Variants in AHI1 observed in about 807,000 individuals in gnomAD.
AHI1 encodes the protein jouberin.
A neutral mutation model predicts 149.3 loss-of-function variants in AHI1; 123 were observed. The observed-to-expected ratio is 0.82, with a 90% CI of 0.71 to 0.96. The LOEUF is 0.96. AHI1 is among the 40% of genes least tolerant of loss of function. The probability of loss-of-function intolerance (pLI) is 0.00; values close to 1 mark genes in which losing one functional copy is unlikely to be tolerated. For missense variants in AHI1, 1,439 were observed against 1,422.7 expected (o/e 1.01, Z -0.18); for synonymous variants, 475 against 459.8 (o/e 1.03, Z -0.42).
At position 135,490,751 on chromosome 6, in the gene AHI1, C is replaced by T. The variant is rs757364131; in HGVS notation, c.11-4G>A. On this transcript the variant is annotated splice_polypyrimidine_tract_variant and splice_region_variant and intron_variant, in intron 4 of 28. Coordinates refer to ENST00000265602, the MANE Select transcript of AHI1 (RefSeq NM_001134831.2). ...TTTACTTTTGCTTCACTCTCAGCTA[C>T]AAAAGATACAGCCATGTGATTTTGT... 1 of 1,612,328 alleles carries T rather than the reference C, an allele frequency of 6.2e-7. No individual in the cohort carries two copies. The highest frequency in any genetic ancestry group is 1.1e-5 in the South Asian group (1 of 90,858).
chr6:135,313,208 T>C (rs1431334357), intron 26 of AHI1, among the ~76,000 whole-genome samples: 3 of 152,224 alleles, frequency 2.0e-5, no homozygotes, highest in Admixed American at 2.0e-4. Flanking sequence ...TCATTTGTTA[T>C]ACCTTCTCTC....
rs1284050036 is a variant in AHI1, at chr6:135,409,972, T to C, written c.2961+1376A>G. 3.3e-5 allele frequency among the ~76,000 whole-genome samples: 5 copies of C among 152,168 alleles called. No individual in the cohort carries two copies. The East Asian group carries it at 9.6e-4, about 29-fold the overall frequency. On this transcript the variant is annotated intron_variant, in intron 21 of 28. Coordinates refer to ENST00000265602, the MANE Select transcript of AHI1 (RefSeq NM_001134831.2). ...TCATCTCTTCTCTCATTATCAACAA[T>C]AATAACTAACATTTATCAGTGGCAC...
At chr6:135,400,987 C>A (rs1268550891) in intron 22 of AHI1, among the ~76,000 whole-genome samples, 1 of 152,162 alleles carries the variant, frequency 6.6e-6, no homozygotes, top group African/African-American at 2.4e-5. Flanking sequence ...CTATCCTTAA[C>A]CTCAGCAAAA....
chr6:135,310,742 C>T (rs1178243085), intron 26 of AHI1, among the ~76,000 whole-genome samples: 5 of 152,062 alleles, frequency 3.3e-5, no homozygotes. Flanking sequence ...AGTAGTTTCT[C>T]CACATCTTCA....
At chr6:135,467,551 C>A (rs370048160) in intron 6 of AHI1, 30 bp downstream of exon 6, 5 of 1,573,606 alleles carry the variant, frequency 3.2e-6, no homozygotes, top group Non-Finnish European at 4.4e-6. Context: ...TCATGCTCTT[C>A]TTCAGGCTGT....
At chr6:135,305,939 C>T (rs1291348597) in intron 26 of AHI1, among the ~76,000 whole-genome samples, 4 of 152,208 alleles carry the variant, frequency 2.6e-5, no homozygotes, top group South Asian at 2.1e-4. Flanking sequence ...CCCACCCACC[C>T]GGCTCCTCTT....
intron 26 of AHI1, chr6:135,300,776 A>C (rs1783771159): frequency 8.5e-7 from 1 of 1,174,096 alleles, no homozygotes; most frequent in South Asian, 3.8e-5. Context: ...GAGAGTTCAA[A>C]CACTCATTTA....
Position 135,466,209 on chromosome 6 carries a change from C to T in AHI1, c.354G>A (p.Glu118=). Residue 118 remains glutamate, a synonymous_variant, in exon 7 of 29, where the codon GAG becomes GAA. Transcript: ENST00000265602. ...TENPNGDASV[E]EDKQGKPNKK... is the part of the protein sequence containing the mutation. ...TATTTGGCTTTCCTTGTTTGTCTTC[C>T]TCTACACTAGCATCACCATTAGGAT... The T allele has an allele frequency of 2.5e-6, 4 of 1,613,884 alleles. No individual in the cohort carries two copies. The highest frequency in any genetic ancestry group is 3.4e-6 in the Non-Finnish European group (4 of 1,179,848).
chr6:135,298,376 TAGTA>T (rs1554264723), intron 27 of AHI1, among the ~76,000 whole-genome samples: 1 of 147,882 alleles, frequency 6.8e-6, no homozygotes, highest in Non-Finnish European at 1.5e-5. Context: ...AAGTGGAAAG[TAGTA>T]AGAGGCTGTC....
At chr6:135,441,860 C>T (rs1365562522) in intron 14 of AHI1, among the ~76,000 whole-genome samples, 1 of 151,692 alleles carries the variant, frequency 6.6e-6, no homozygotes, top group African/African-American at 2.4e-5. Context: ...TAATAAATGC[C>T]AATCAAGTCA....
intron 5 of AHI1, among the ~76,000 whole-genome samples, chr6:135,478,119 C>T (rs1793008375): frequency 6.6e-6 from 1 of 152,068 alleles, no homozygotes; most frequent in Non-Finnish European, 1.5e-5. Flanking sequence ...TTCTTTAGAG[C>T]AGTGTGAGAA....
intron 20 of AHI1, among the ~76,000 whole-genome samples, chr6:135,419,365 C>T (rs1466453848): frequency 6.6e-6 from 1 of 152,078 alleles, no homozygotes; most frequent in East Asian, 1.9e-4. Context: ...ATGTGTCATA[C>T]ATACCCTGCT....
chr6:135,330,283 T>A (rs1335567991), intron 24 of AHI1, among the ~76,000 whole-genome samples: 1 of 152,212 alleles, frequency 6.6e-6, no homozygotes, highest in Non-Finnish European at 1.5e-5. Context: ...CATTTTTGTC[T>A]TATTTTAAGA....
intron 25 of AHI1, among the ~76,000 whole-genome samples, chr6:135,321,389 C>T (rs1427758342): frequency 6.6e-6 from 1 of 152,122 alleles, no homozygotes. Flanking sequence ...ATTTTTGAGA[C>T]ACATAGAACT....
At chr6:135,351,061 T>C (rs976991668) in intron 24 of AHI1, among the ~76,000 whole-genome samples, 1 of 151,348 alleles carries the variant, frequency 6.6e-6, no homozygotes. Context: ...CTGGCATAAC[T>C]GAACTTCTGC....
At chr6:135,346,363 T>G (rs1791214996) in intron 24 of AHI1, among the ~76,000 whole-genome samples, 2 of 151,812 alleles carry the variant, frequency 1.3e-5, no homozygotes, top group Non-Finnish European at 1.5e-5. Context: ...CCCGGCTAAT[T>G]TTTTTTATTT....
chr6:135,458,028 G>C (rs1388213853), intron 8 of AHI1, among the ~76,000 whole-genome samples: 1 of 152,140 alleles, frequency 6.6e-6, no homozygotes, highest in Non-Finnish European at 1.5e-5. Context: ...GAATATATAT[G>C]ACAACTAGAA....
At chr6:135,323,800 A>G (rs2128385567) in intron 24 of AHI1, among the ~76,000 whole-genome samples, 2 of 152,302 alleles carry the variant, frequency 1.3e-5, no homozygotes, top group Admixed American at 1.3e-4. Flanking sequence ...TTTTTTTGAG[A>G]TAAATTTCTC....
chr6:135,388,487 A>G (rs1333745508), intron 23 of AHI1, among the ~76,000 whole-genome samples: 1 of 152,174 alleles, frequency 6.6e-6, no homozygotes, highest in East Asian at 1.9e-4. Context: ...ACCTTCTACA[A>G]TGGCTTATAC....
Sources: gnomAD v4.1 joint callset for allele counts (sites outside exome capture counted in the v4.1 genomes callset) on GRCh38, gnomAD v4.1.1 for gene constraint, MANE v1.5 for transcripts, NCBI Gene and HGNC (gene_info 2026-07-23, HGNC 2026-07-21) for gene names.